Variants in CNTNAP2 observed in about 807,000 individuals in gnomAD.
CNTNAP2 encodes contactin-associated protein-like 2.
Under a neutral mutation model 155.2 loss-of-function variants are expected in CNTNAP2, and 98 were observed. That is an observed-to-expected ratio of 0.63 (90% confidence interval 0.54 to 0.75). The LOEUF (loss-of-function observed/expected upper bound fraction) is 0.75. CNTNAP2 is among the 30% of genes least tolerant of loss of function. The pLI is 0.00. For missense variants in CNTNAP2, 1,727 were observed against 1,688.1 expected, an observed-to-expected ratio of 1.02 and a Z score of -0.40; for synonymous variants, 651 against 631.2, an observed-to-expected ratio of 1.03 and a Z score of -0.47.
At chr7:148,002,546 CTAAT>C (rs1801916621) in intron 15 of CNTNAP2, among the ~76,000 whole-genome samples, 1 of 152,096 alleles carries the variant, frequency 6.6e-6, no homozygotes, top group Non-Finnish European at 1.5e-5. Flanking sequence ...ATTTATAATG[CTAAT>C]TAATTATTTC....
chr7:148,135,973 G>GAGGAAGGAAGGAAGGAAGGAAGGAAGGA (rs1186076177), intron 16 of CNTNAP2, among the ~76,000 whole-genome samples: 2 of 40,196 alleles, frequency 5.0e-5, no homozygotes, highest in African/African-American at 2.9e-4. Context: ...GGAAGAGAGG[G>GAGGAAGGAAGGAAGGAAGGAAGGAAGGA]AGGAAGGAAG....
Position 148,415,490 on chromosome 7 carries a change from G to C in CNTNAP2, c.3870G>C (p.Lys1290Asn). Reference sequence around the variant, plus strand: ...TGATCCGGTACATGTTCCGCCACAAGGGCACCTACCATACCAACGAAGCAA... The same window carrying C: ...TGATCCGGTACATGTTCCGCCACAACGGCACCTACCATACCAACGAAGCAA... The part of the protein sequence containing the change: ...VFLIRYMFRH[K>N]GTYHTNEAKG... Residue 1290 changes from lysine (K) to asparagine (N), a missense_variant, in exon 24 of 24, where the codon AAG (lysine) becomes AAC (asparagine). By Grantham distance (94) the Lys-to-Asn change is moderately conservative (BLOSUM62 0). Coordinates refer to ENST00000361727, the MANE Select transcript of CNTNAP2 (RefSeq NM_014141.6). 1 of 1,614,208 alleles carries C rather than the reference G, an allele frequency of 6.2e-7. No individual in the cohort carries two copies. Among genetic ancestry groups the C allele is most frequent in the South Asian group, 1.1e-5 (1 of 91,086 alleles).
At chr7:147,170,405 G>A (rs960450001) in intron 8 of CNTNAP2, among the ~76,000 whole-genome samples, 7 of 152,130 alleles carry the variant, frequency 4.6e-5, no homozygotes, top group Non-Finnish European at 1.0e-4. Context: ...GCTGATCACC[G>A]GCACTGTGCC....
At chr7:147,969,837 A>G (rs1801300292) in intron 14 of CNTNAP2, among the ~76,000 whole-genome samples, 1 of 152,118 alleles carries the variant, frequency 6.6e-6, no homozygotes, top group Non-Finnish European at 1.5e-5. Flanking sequence ...ATGAAGTAGC[A>G]TCTTATTTCT....
At chr7:146,428,571 AT>A (rs1563080310) in intron 1 of CNTNAP2, among the ~76,000 whole-genome samples, 1 of 149,584 alleles carries the variant, frequency 6.7e-6, no homozygotes, top group Non-Finnish European at 1.5e-5. Flanking sequence ...GTTTATGTTC[AT>A]TGCCCACTTT....
At chr7:148,369,937 G>A (rs907503997) in intron 21 of CNTNAP2, among the ~76,000 whole-genome samples, 3 of 152,058 alleles carry the variant, frequency 2.0e-5, no homozygotes, top group Non-Finnish European at 2.9e-5. Flanking sequence ...CCTCAGTTTC[G>A]TAGCCTCTTA....
intron 1 of CNTNAP2, among the ~76,000 whole-genome samples, chr7:146,382,922 A>G (rs1236543620): frequency 6.6e-6 from 1 of 152,166 alleles, no homozygotes; most frequent in East Asian, 1.9e-4. Context: ...ACCTTTGAAA[A>G]TTAACTCCCA....
chr7:146,194,444 A>G (rs910635456), intron 1 of CNTNAP2, among the ~76,000 whole-genome samples: 7 of 152,272 alleles, frequency 4.6e-5, no homozygotes, highest in Admixed American at 1.3e-4. Flanking sequence ...TAAAACCATC[A>G]TATCTTGTGA....
intron 21 of CNTNAP2, among the ~76,000 whole-genome samples, chr7:148,340,769 T>A (rs1224846591): frequency 1.3e-5 from 2 of 152,256 alleles, no homozygotes; most frequent in Non-Finnish European, 2.9e-5. Flanking sequence ...TCTTTCATAG[T>A]ATTTATTGAG....
chr7:146,315,486 T>C (rs1333200807), intron 1 of CNTNAP2, among the ~76,000 whole-genome samples: 3 of 152,124 alleles, frequency 2.0e-5, no homozygotes, highest in Non-Finnish European at 4.4e-5. Context: ...CATTTGGGTG[T>C]ATTTTCATAG....
rs543521921 is a variant in CNTNAP2, at chr7:146,557,324, G to A, written c.98-216947G>A. 1.6e-4 allele frequency among the ~76,000 whole-genome samples: 24 copies of A among 152,150 alleles called. No homozygotes were observed. The South Asian group carries it at 3.9e-3, about 25-fold the overall frequency. ...TATATTGTTACCCTCCCAGGCTGGA[G>A]GTGTGGAAAACTATTATAAACCGCT... On this transcript the variant is annotated intron_variant, in intron 1 of 23. Transcript: ENST00000361727.
At chr7:148,237,583 G>T (rs1215061037) in intron 20 of CNTNAP2, among the ~76,000 whole-genome samples, 1 of 152,178 alleles carries the variant, frequency 6.6e-6, no homozygotes, top group African/African-American at 2.4e-5. Context: ...CACTGGAGAA[G>T]ACTCAGTAAA....
chr7:147,512,837 A>C (rs1439233548), intron 11 of CNTNAP2, among the ~76,000 whole-genome samples: 1 of 152,208 alleles, frequency 6.6e-6, no homozygotes, highest in Non-Finnish European at 1.5e-5. Context: ...TGAATGATGA[A>C]AAATGTGAAA....
intron 1 of CNTNAP2, among the ~76,000 whole-genome samples, chr7:146,284,062 A>G (rs993500892): frequency 6.6e-6 from 1 of 152,258 alleles, no homozygotes; most frequent in Admixed American, 6.5e-5. Context: ...AAAATTACCT[A>G]GAAAGCAATT....
At chr7:148,275,325 C>A (rs1796853427) in intron 21 of CNTNAP2, among the ~76,000 whole-genome samples, 1 of 152,058 alleles carries the variant, frequency 6.6e-6, no homozygotes, top group Admixed American at 6.6e-5. Context: ...AGGGAGGGCA[C>A]TTGAGCCAGT....
intron 20 of CNTNAP2, among the ~76,000 whole-genome samples, chr7:148,243,815 A>G (rs778137194): frequency 1.3e-5 from 2 of 152,216 alleles, no homozygotes; most frequent in African/African-American, 4.8e-5. Flanking sequence ...AAAGAAAAAA[A>G]AAACTTTTGA....
intron 1 of CNTNAP2, among the ~76,000 whole-genome samples, chr7:146,301,881 A>G (rs75874838): frequency 1.3e-5 from 2 of 152,140 alleles, no homozygotes; most frequent in African/African-American, 4.8e-5. Flanking sequence ...CCTCTTGTCA[A>G]CTAATGAAAG....
chr7:147,965,840 C>T (rs1433456256), intron 14 of CNTNAP2, among the ~76,000 whole-genome samples: 2 of 152,108 alleles, frequency 1.3e-5, no homozygotes, highest in Non-Finnish European at 2.9e-5. Context: ...GGCCACCTCA[C>T]CCTGAAGAGT....
At chr7:146,630,521 G>C (rs1799493801) in intron 1 of CNTNAP2, among the ~76,000 whole-genome samples, 1 of 152,062 alleles carries the variant, frequency 6.6e-6, no homozygotes, top group Admixed American at 6.6e-5. Flanking sequence ...GGAACAAATG[G>C]TATTTCTGGT....
Sources: allele counts gnomAD v4.1 joint callset (sites outside exome capture counted in the v4.1 genomes callset), GRCh38; gene constraint gnomAD v4.1.1; transcripts MANE v1.5; gene names NCBI Gene and HGNC (gene_info 2026-07-23, HGNC 2026-07-21).